Variants in PLCH1 observed in about 807,000 individuals in gnomAD.
The protein encoded by PLCH1 is 1-phosphatidylinositol 4,5-bisphosphate phosphodiesterase eta-1.
A neutral mutation model predicts 126.7 loss-of-function variants in PLCH1; 60 were observed. The observed-to-expected ratio is 0.47, with a 90% CI of 0.38 to 0.59. The LOEUF is 0.59. Ranked by LOEUF, PLCH1 falls within the 20% of genes least tolerant of loss-of-function variation. PLCH1 has a pLI of 0.00. For missense variants in PLCH1, 1,723 were observed against 2,040.0 expected, an observed-to-expected ratio of 0.84 and a Z score of 2.99; for synonymous variants, 719 against 734.9, an observed-to-expected ratio of 0.98 and a Z score of 0.35.
intron 6 of PLCH1, among the ~76,000 whole-genome samples, chr3:155,571,990 G>A (rs751741147): frequency 4.6e-5 from 7 of 152,130 alleles, no homozygotes; most frequent in Non-Finnish European, 5.9e-5. Context: ...ATTACTTGCT[G>A]ACATTCCTAC....
chr3:155,519,772 C>A (rs1720827034), intron 11 of PLCH1, among the ~76,000 whole-genome samples: 2 of 134,938 alleles, frequency 1.5e-5, no homozygotes, highest in East Asian at 2.1e-4. Context: ...AAGTTGAGGA[C>A]CTTTGCTTTA....
Position 155,596,268 on chromosome 3 carries a change from G to A in PLCH1, c.190C>T (p.Arg64Ter), listed in dbSNP as rs761992597. ...FYLDEHRTRLRWRPSRKSEKA... is the reference protein window; with the variant it reads ...FYLDEHRTRL ...TCACTCTTCCTAGAGGGTCGCCATC[G>A]GAGGCGTGTCCGGTGCTCATCCAGG... The change falls in exon 3 of 23, where the codon CGA becomes TGA. Residue 64 changes from arginine to a stop codon, truncating the protein, a stop_gained. Transcript: ENST00000460012. LOFTEE classifies it high-confidence loss of function. 2 of 1,613,538 alleles carry A rather than the reference G, an allele frequency of 1.2e-6. No individual in the cohort carries two copies. Among genetic ancestry groups the A allele is most frequent in the South Asian group, 1.1e-5 (1 of 91,018 alleles).
chr3:155,505,550 G>T (rs1413460652), intron 12 of PLCH1, among the ~76,000 whole-genome samples: 3 of 152,182 alleles, frequency 2.0e-5, no homozygotes, highest in African/African-American at 7.2e-5. Flanking sequence ...TTGGGAAGGG[G>T]ATCTGTATAT....
chr3:155,736,533 C>A (rs1749186403), intron 1 of PLCH1, among the ~76,000 whole-genome samples: 1 of 152,194 alleles, frequency 6.6e-6, no homozygotes, highest in South Asian at 2.1e-4. Flanking sequence ...ACACTGCCTG[C>A]AAAAGACAGG....
intron 2 of PLCH1, among the ~76,000 whole-genome samples, chr3:155,666,343 A>G (rs115245686): frequency 3.0e-4 from 45 of 152,320 alleles, no homozygotes; most frequent in African/African-American, 1.1e-3. Context: ...AGGCAAAAAC[A>G]TATATATCTA....
At chr3:155,568,084 T>C in intron 7 of PLCH1, 147 bp downstream of exon 7, 1 of 540,846 alleles carries the variant, frequency 1.8e-6, no homozygotes, top group South Asian at 2.8e-5. Context: ...TGCAGGAAAA[T>C]ATATGTGTGT....
At chr3:155,729,924 C>CAA (rs11380418) in intron 1 of PLCH1, among the ~76,000 whole-genome samples, 86 of 116,226 alleles carry the variant, frequency 7.4e-4, no homozygotes, top group South Asian at 2.4e-3. Context: ...GACTCCATCT[C>CAA]AAAAAAAAAA....
chr3:155,528,690 A>C (rs1236779563), intron 10 of PLCH1, among the ~76,000 whole-genome samples: 1 of 152,230 alleles, frequency 6.6e-6, no homozygotes, highest in Non-Finnish European at 1.5e-5. Flanking sequence ...GAATAATAAT[A>C]ATCCTCAACT....
chr3:155,573,046 T>A (rs72996979), intron 6 of PLCH1, among the ~76,000 whole-genome samples: 2,592 of 152,238 alleles, frequency 0.017, 75 homozygotes, highest in African/African-American at 0.059. Context: ...CTGTGCCCAA[T>A]CTGTCATAGC....
At chr3:155,537,232 A>G in intron 10 of PLCH1, among the ~76,000 whole-genome samples, 1 of 17,056 alleles carries the variant, frequency 5.9e-5, no homozygotes. Context: ...AAAAAAAAAA[A>G]ACCTAAAAGG....
intron 8 of PLCH1, among the ~76,000 whole-genome samples, chr3:155,554,924 C>G (rs1576999761): frequency 6.6e-6 from 1 of 152,312 alleles, no homozygotes; most frequent in East Asian, 1.9e-4. Context: ...TAATATTGCT[C>G]TCTACCCACA....
intron 21 of PLCH1, 87 bp downstream of exon 21, chr3:155,487,941 A>C: frequency 1.1e-6 from 1 of 900,640 alleles, no homozygotes; most frequent in Non-Finnish European, 1.8e-6. Context: ...GTTTGTCAAA[A>C]TTTACATTCC....
rs1200271609 is a variant in PLCH1, at chr3:155,488,011, C to T, written c.2619+17G>A. On this transcript the variant is annotated intron_variant, in intron 21 of 22. Transcript: ENST00000460012. ...CATATTAATGTATATGACTTTAAAT[C>T]CTATGATCTTTCTCACCTTTCCATA... 7.1e-7 allele frequency: 1 copy of T among 1,410,956 alleles called. No individual in the cohort carries two copies. The highest frequency in any genetic ancestry group is 2.3e-5 in the East Asian group (1 of 43,894). 87.4% of individuals were successfully genotyped at this position (1,410,956 alleles called of 1,614,324 possible).
chr3:155,714,936 G>C (rs1747398646), intron 1 of PLCH1, among the ~76,000 whole-genome samples: 1 of 152,186 alleles, frequency 6.6e-6, no homozygotes, highest in African/African-American at 2.4e-5. Context: ...GGAAGAATTA[G>C]GTTGCTAGTA....
At chr3:155,522,830 T>C (rs1219639505) in intron 11 of PLCH1, among the ~76,000 whole-genome samples, 1 of 152,072 alleles carries the variant, frequency 6.6e-6, no homozygotes, top group Non-Finnish European at 1.5e-5. Flanking sequence ...CTCAGGTTGC[T>C]GTGTTACTCT....
chr3:155,725,615 T>C (rs1428593674), intron 1 of PLCH1, among the ~76,000 whole-genome samples: 1 of 152,100 alleles, frequency 6.6e-6, no homozygotes, highest in East Asian at 1.9e-4. Context: ...AATTTTTGTA[T>C]TTTTAGTAGA....
chr3:155,511,872 G>T (rs2108218479), intron 12 of PLCH1, among the ~76,000 whole-genome samples: 1 of 152,174 alleles, frequency 6.6e-6, no homozygotes, highest in South Asian at 2.1e-4. Flanking sequence ...AGTTGTGGTG[G>T]GCTCCACCCA....
chr3:155,654,207 T>C (rs1194264364), intron 2 of PLCH1, among the ~76,000 whole-genome samples: 1 of 151,870 alleles, frequency 6.6e-6, no homozygotes, highest in Non-Finnish European at 1.5e-5. Flanking sequence ...TCCCTGGTGT[T>C]TCTCATGTCA....
intron 2 of PLCH1, among the ~76,000 whole-genome samples, chr3:155,638,369 C>T (rs965693388): frequency 1.3e-5 from 2 of 152,186 alleles, no homozygotes; most frequent in Admixed American, 6.5e-5. Flanking sequence ...ATACCTTTAA[C>T]CATGTACATG....
Sources: gnomAD v4.1 joint callset for allele counts (sites outside exome capture counted in the v4.1 genomes callset) on GRCh38, gnomAD v4.1.1 for gene constraint, MANE v1.5 for transcripts, NCBI Gene and HGNC (gene_info 2026-07-23, HGNC 2026-07-21) for gene names.